The following PPP2R2B variants were observed in gnomAD, a reference collection of about 807,000 sequenced individuals.
The protein encoded by PPP2R2B is serine/threonine-protein phosphatase 2A 55 kDa regulatory subunit B beta isoform.
Under a neutral mutation model 46.0 loss-of-function variants are expected in PPP2R2B, and 5 were observed. That is an observed-to-expected ratio of 0.11 (90% confidence interval 0.06 to 0.23). The LOEUF is 0.23. Among genes scored for constraint, PPP2R2B ranks in the 10% least tolerant of loss-of-function variants. The pLI, the probability that PPP2R2B is intolerant of heterozygous loss-of-function variation, is 1.00. For missense variants in PPP2R2B, 367 were observed against 575.0 expected, an observed-to-expected ratio of 0.64 and a Z score of 3.70; for synonymous variants, 215 against 206.7, an observed-to-expected ratio of 1.04 and a Z score of -0.34.
At chr5:146,808,218 T>C (rs549499732) in intron 2 of PPP2R2B, among the ~76,000 whole-genome samples, 1 of 152,328 alleles carries the variant, frequency 6.6e-6, no homozygotes, top group African/African-American at 2.4e-5. Flanking sequence ...AGTAGCCACA[T>C]ACAGTGATTC....
chr5:147,005,745 A>G (rs1249419758), intron 1 of PPP2R2B, among the ~76,000 whole-genome samples: 1 of 152,154 alleles, frequency 6.6e-6, no homozygotes, highest in Non-Finnish European at 1.5e-5. Context: ...CAGAAAGTCA[A>G]AGAAGGAAAG....
intron 1 of PPP2R2B, among the ~76,000 whole-genome samples, chr5:147,048,496 C>T (rs1335560285): frequency 6.6e-6 from 1 of 152,082 alleles, no homozygotes; most frequent in Admixed American, 6.6e-5. Flanking sequence ...TAAATGCTAG[C>T]TTTGTAGGTA....
chr5:146,973,919 G>T (rs1309801809), intron 1 of PPP2R2B, among the ~76,000 whole-genome samples: 2 of 152,144 alleles, frequency 1.3e-5, no homozygotes, highest in African/African-American at 2.4e-5. Flanking sequence ...AGCCTATAGG[G>T]TAAGGGATCC....
chr5:146,894,629 G>A (rs750297817), intron 1 of PPP2R2B, among the ~76,000 whole-genome samples: 3 of 151,966 alleles, frequency 2.0e-5, no homozygotes, highest in Non-Finnish European at 4.4e-5. Flanking sequence ...TAGTAGAAAC[G>A]GGGTCTTCCC....
chr5:146,862,763 ATTTT>A (rs3062348), intron 2 of PPP2R2B, among the ~76,000 whole-genome samples: 1 of 142,722 alleles, frequency 7.0e-6, no homozygotes, highest in African/African-American at 2.6e-5. Flanking sequence ...AGAAAAGTAA[ATTTT>A]TTTTTTTTTT....
At position 146,856,482 on chromosome 5, in the gene PPP2R2B, A is replaced by C. The variant is rs1362528944; in HGVS notation, c.70+21520T>G. On this transcript the variant is annotated intron_variant, in intron 2 of 9. Transcript: ENST00000394411. The stretch of plus-strand genomic sequence containing the variant: ...TACTTTATCAAGAAGAGTAGGTATA[A>C]ATAATAATACGAATACCTTTATTTC... 6 of 1,539,714 alleles carry C rather than the reference A, an allele frequency of 3.9e-6. No homozygotes were observed. In the South Asian group the frequency reaches 6.7e-5, roughly 17 times the overall value.
intron 2 of PPP2R2B, among the ~76,000 whole-genome samples, chr5:147,069,800 T>TTTTTTTTTTTTTTTTTTTTG: frequency 7.6e-6 from 1 of 131,548 alleles, no homozygotes; most frequent in African/African-American, 3.0e-5. Context: ...TTTTTTTTTT[T>TTTTTTTTTTTTTTTTTTTTG]TTTTTTTTGA....
At chr5:146,842,556 C>T (rs1285944148) in intron 2 of PPP2R2B, among the ~76,000 whole-genome samples, 1 of 148,882 alleles carries the variant, frequency 6.7e-6, no homozygotes, top group Non-Finnish European at 1.5e-5. Flanking sequence ...AAAACATGTG[C>T]CGTGGGGGTT....
At chr5:146,912,187 C>T (rs1023139979) in intron 1 of PPP2R2B, among the ~76,000 whole-genome samples, 8 of 138,660 alleles carry the variant, frequency 5.8e-5, no homozygotes, top group African/African-American at 2.2e-4. Flanking sequence ...TGCAGTGAGC[C>T]GAGATCGCGC....
At chr5:146,921,778 A>T (rs1763616726) in intron 1 of PPP2R2B, among the ~76,000 whole-genome samples, 1 of 152,180 alleles carries the variant, frequency 6.6e-6, no homozygotes, top group Non-Finnish European at 1.5e-5. Flanking sequence ...CTCCTCCCCT[A>T]GAAAGGCATC....
At chr5:146,666,874 A>G (rs1441845605) in intron 5 of PPP2R2B, among the ~76,000 whole-genome samples, 1 of 152,190 alleles carries the variant, frequency 6.6e-6, no homozygotes, top group Non-Finnish European at 1.5e-5. Context: ...TAAAATTCCC[A>G]GGTCTTTTTT....
chr5:146,992,290 G>A (rs1415705577), intron 1 of PPP2R2B, among the ~76,000 whole-genome samples: 1 of 152,214 alleles, frequency 6.6e-6, no homozygotes, highest in African/African-American at 2.4e-5. Flanking sequence ...AACAAATGGT[G>A]TTGGGAAAAC....
intron 2 of PPP2R2B, among the ~76,000 whole-genome samples, chr5:146,860,858 G>T (rs890826123): frequency 6.6e-6 from 1 of 152,170 alleles, no homozygotes; most frequent in East Asian, 1.9e-4. Flanking sequence ...TGAGATCAGA[G>T]ATATAGTCTT....
intron 2 of PPP2R2B, among the ~76,000 whole-genome samples, chr5:146,750,680 T>A (rs1214627511): frequency 6.6e-6 from 1 of 152,190 alleles, no homozygotes; most frequent in Non-Finnish European, 1.5e-5. Flanking sequence ...ATGTCCCCTA[T>A]GAATGGAGCA....
At chr5:146,824,156 G>T (rs1173734562) in intron 2 of PPP2R2B, among the ~76,000 whole-genome samples, 2 of 152,332 alleles carry the variant, frequency 1.3e-5, no homozygotes, top group Admixed American at 1.3e-4. Context: ...TGTCAAATCT[G>T]ATGGCAACAT....
At chr5:146,876,189 T>A (rs1561979765) in intron 2 of PPP2R2B, among the ~76,000 whole-genome samples, 1 of 152,188 alleles carries the variant, frequency 6.6e-6, no homozygotes, top group Non-Finnish European at 1.5e-5. Flanking sequence ...TTTTTGACTA[T>A]GTGAACCTAG....
In PPP2R2B at chr5:146,614,187, A is replaced by G. The variant is rs944173223; in HGVS notation, c.791-13727T>C. 3.3e-5 allele frequency among the ~76,000 whole-genome samples: 4 copies of G among 122,082 alleles called. 1 individual carries two copies. Among genetic ancestry groups the G allele is most frequent in the Admixed American group, 1.7e-4 (2 of 11,946 alleles). 80.1% of individuals were successfully genotyped at this position (122,082 alleles called of 152,430 possible). On this transcript the variant is annotated intron_variant, in intron 7 of 9. Coordinates refer to ENST00000394411, the MANE Select transcript of PPP2R2B (RefSeq NM_181675.4). ...AATGGAACAGAACAGAGCCCTCAGAAATAATGTCGCATATCTACAACTATC... is the reference window on the plus strand; with the variant it reads ...AATGGAACAGAACAGAGCCCTCAGAGATAATGTCGCATATCTACAACTATC...
At chr5:146,901,457 T>C (rs1762833979) in intron 1 of PPP2R2B, among the ~76,000 whole-genome samples, 1 of 152,060 alleles carries the variant, frequency 6.6e-6, no homozygotes, top group South Asian at 2.1e-4. Context: ...TGTGTGATCG[T>C]GTCACTGCAC....
At chr5:146,631,741 G>A (rs768089416) in intron 7 of PPP2R2B, among the ~76,000 whole-genome samples, 19 of 152,136 alleles carry the variant, frequency 1.2e-4, no homozygotes, top group Non-Finnish European at 2.5e-4. Flanking sequence ...TAACACACAC[G>A]GACAACCTGC....
Sources: allele counts gnomAD v4.1 joint callset (sites outside exome capture counted in the v4.1 genomes callset), GRCh38; gene constraint gnomAD v4.1.1; transcripts MANE v1.5; gene names NCBI Gene and HGNC (gene_info 2026-07-23, HGNC 2026-07-21).